The following RYR2 variants were observed in gnomAD, a reference collection of about 807,000 sequenced individuals.
RYR2 encodes ryanodine receptor 2.
RYR2 carries 227 observed loss-of-function variants against 601.1 expected under a neutral mutation model. The ratio of observed to expected loss-of-function variants is 0.38; its 90% CI spans 0.34 to 0.42. The LOEUF (loss-of-function observed/expected upper bound fraction) is 0.42. Among genes scored for constraint, RYR2 ranks in the 10% least tolerant of loss-of-function variants. RYR2 has a pLI of 1.00. For missense variants in RYR2, 4,646 were observed against 6,156.5 expected (o/e 0.75, Z 8.21); for synonymous variants, 2,223 against 2,175.1 (o/e 1.02, Z -0.61).
chr1:237,361,759 T>G (rs181686253), intron 4 of RYR2, among the ~76,000 whole-genome samples: 7 of 152,376 alleles, frequency 4.6e-5, no homozygotes, highest in Admixed American at 4.6e-4. Flanking sequence ...GGCATCATTA[T>G]AATAGAGGAG....
chr1:237,483,291 C>T (rs1304332556), intron 17 of RYR2, among the ~76,000 whole-genome samples: 1 of 152,262 alleles, frequency 6.6e-6, no homozygotes, highest in East Asian at 1.9e-4. Context: ...TTTCATTTGC[C>T]TTATTTTATT....
chr1:237,171,942 C>G lies in RYR2; in HGVS notation c.49-98555C>G, dbSNP rs114407386. Reference sequence around the variant, plus strand: ...GGTTAAAAGCAGTTTTCATTCTCATCCATTTTGTGTTTCCTGGATGTTGGC... The same window carrying G: ...GGTTAAAAGCAGTTTTCATTCTCATGCATTTTGTGTTTCCTGGATGTTGGC... On this transcript the variant is annotated intron_variant, in intron 1 of 104. Transcript: ENST00000366574. 6.1e-3 allele frequency among the ~76,000 whole-genome samples: 929 copies of G among 152,302 alleles called. 9 individuals are homozygous for G. Among genetic ancestry groups the G allele is most frequent in the South Asian group, 0.033 (157 of 4,828 alleles).
intron 2 of RYR2, among the ~76,000 whole-genome samples, chr1:237,284,093 T>A (rs1210386295): frequency 1.3e-5 from 2 of 152,128 alleles, no homozygotes; most frequent in Non-Finnish European, 2.9e-5. Context: ...AATAATAGTC[T>A]CCAATCTGGC....
At chr1:237,824,193 C>G (rs1328297103) in intron 101 of RYR2, among the ~76,000 whole-genome samples, 1 of 152,108 alleles carries the variant, frequency 6.6e-6, no homozygotes, top group African/African-American at 2.4e-5. Context: ...CAGAATCATC[C>G]TGATACCAAA....
At chr1:237,339,308 A>G (rs1366453637) in intron 3 of RYR2, among the ~76,000 whole-genome samples, 3 of 152,194 alleles carry the variant, frequency 2.0e-5, no homozygotes, top group African/African-American at 7.2e-5. Flanking sequence ...GAGCATTTAT[A>G]TATATCTTCA....
At chr1:237,478,003 C>CT (rs1661594147) in intron 17 of RYR2, among the ~76,000 whole-genome samples, 1 of 152,148 alleles carries the variant, frequency 6.6e-6, no homozygotes, top group Non-Finnish European at 1.5e-5. Flanking sequence ...ATGAAAGGTA[C>CT]CTGCTCTGGA....
chr1:237,042,647 C>A, intron 1 of RYR2, 78 bp downstream of exon 1: 1 of 1,220,580 alleles, frequency 8.2e-7, no homozygotes. Flanking sequence ...GGCAGAGTGA[C>A]AGCGGGCAGC....
chr1:237,154,368 A>C (rs1022433461), intron 1 of RYR2, among the ~76,000 whole-genome samples: 15 of 152,186 alleles, frequency 9.9e-5, no homozygotes, highest in African/African-American at 3.6e-4. Flanking sequence ...AGGCAGCCTG[A>C]GATATGTTGA....
At chr1:237,822,200 A>T (rs950033520) in intron 101 of RYR2, among the ~76,000 whole-genome samples, 3 of 152,280 alleles carry the variant, frequency 2.0e-5, no homozygotes, top group African/African-American at 7.2e-5. Flanking sequence ...CCTAGAGAAG[A>T]GCAACCCCAA....
At chr1:237,148,373 G>A (rs1283623000) in intron 1 of RYR2, among the ~76,000 whole-genome samples, 1 of 151,676 alleles carries the variant, frequency 6.6e-6, no homozygotes, top group Non-Finnish European at 1.5e-5. Flanking sequence ...GGGGATGTGG[G>A]GGAGAGCATT....
Position 237,417,173 on chromosome 1 carries a change from C to T in RYR2, c.848+50C>T, listed in dbSNP as rs768166445. On this transcript the variant is annotated intron_variant, in intron 11 of 104. Coordinates refer to ENST00000366574, the MANE Select transcript of RYR2 (RefSeq NM_001035.3). ...CTAATGCACCAAGTGTACCAAATAG[C>T]TCAGCGTTGTGCTTCTGTGTCAGCC... The T allele has an allele frequency of 2.3e-5, 33 of 1,407,460 alleles. No homozygotes were observed. In the South Asian group the frequency reaches 3.6e-4, roughly 15 times the overall value. 87.2% of individuals were successfully genotyped at this position (1,407,460 alleles called of 1,614,324 possible).
At chr1:237,376,718 A>C (rs1275647882) in intron 7 of RYR2, among the ~76,000 whole-genome samples, 5 of 152,208 alleles carry the variant, frequency 3.3e-5, no homozygotes, top group African/African-American at 7.2e-5. Context: ...ATGTAAACCA[A>C]GATCTTTTAT....
Position 237,648,630 on chromosome 1 carries a change from G to C in RYR2, c.7512+17G>C. 1 of 1,600,970 alleles carries C rather than the reference G, an allele frequency of 6.2e-7. No individual in the cohort carries two copies. Among genetic ancestry groups the C allele is most frequent in the African/African-American group, 1.3e-5 (1 of 74,866 alleles). The stretch of plus-strand genomic sequence containing the variant: ...TTAGATACGGTGAGATTGGAGCGAT[G>C]GACTTCCTCCTCTCTTGACTCTTCA... On this transcript the variant is annotated intron_variant, in intron 49 of 104. Coordinates refer to ENST00000366574, the MANE Select transcript of RYR2 (RefSeq NM_001035.3).
intron 38 of RYR2, among the ~76,000 whole-genome samples, chr1:237,621,662 A>G (rs1178235880): frequency 6.6e-6 from 1 of 152,192 alleles, no homozygotes; most frequent in Non-Finnish European, 1.5e-5. Flanking sequence ...GAATATGTTA[A>G]TTATCTTGAT....
rs1558258716 is a variant in RYR2 at position 237,706,989 on chromosome 1, CAT to C, written c.9623_9624del (p.Ile3208ThrfsTer47). 6.2e-7 allele frequency: 1 copy of C among 1,613,844 alleles called. No individual in the cohort carries two copies. Among genetic ancestry groups the C allele is most frequent in the South Asian group, 1.1e-5 (1 of 91,068 alleles). On this transcript the variant is annotated frameshift_variant, in exon 68 of 105. Coordinates refer to ENST00000366574, the MANE Select transcript of RYR2 (RefSeq NM_001035.3). LOFTEE classifies it high-confidence loss of function. ...PTNVEDVCPN[I>X]PSLEKLMEEI... ...CTAATGTGGAAGATGTTTGTCCAAA[CAT>C]ACCGTCTTTGGAGAAACTCATGGAA...
At chr1:237,586,084 AG>A (rs1270001727) in intron 29 of RYR2, among the ~76,000 whole-genome samples, 5 of 152,220 alleles carry the variant, frequency 3.3e-5, no homozygotes, top group Non-Finnish European at 5.9e-5. Flanking sequence ...CCAAAGGCTT[AG>A]AAACATTTTA....
At chr1:237,594,886 G>GTTTTTTTTGTTTTTGTTTT (rs1675642723) in intron 33 of RYR2, among the ~76,000 whole-genome samples, 1 of 60,402 alleles carries the variant, frequency 1.7e-5, no homozygotes, top group African/African-American at 9.5e-5. Context: ...ATATCACTGG[G>GTTTTTTTTGTTTTTGTTTT]TTTTTTTTTT....
intron 25 of RYR2, among the ~76,000 whole-genome samples, chr1:237,545,011 G>A (rs116825502): frequency 0.026 from 3,973 of 152,168 alleles, 129 homozygotes; most frequent in African/African-American, 0.079. Context: ...GGGATTATTA[G>A]CCATTTAAAA....
At chr1:237,654,237 G>C in intron 51 of RYR2, 37 bp from the exon 52 acceptor site, 1 of 1,604,910 alleles carries the variant, frequency 6.2e-7, no homozygotes. Flanking sequence ...AAAAGGTTTT[G>C]ATAGCTCATT....
Sources: gnomAD v4.1 joint callset for allele counts (sites outside exome capture counted in the v4.1 genomes callset) on GRCh38, gnomAD v4.1.1 for gene constraint, MANE v1.5 for transcripts, NCBI Gene and HGNC (gene_info 2026-07-23, HGNC 2026-07-21) for gene names.